Variants in CPNE4 observed in about 807,000 individuals in gnomAD.
The protein encoded by CPNE4 is copine 4.
In CPNE4, 25 loss-of-function variants were observed where a neutral mutation model predicts 67.9. The ratio of observed to expected loss-of-function variants is 0.37; its 90% CI spans 0.27 to 0.51. The LOEUF (loss-of-function observed/expected upper bound fraction) is 0.51. Ranked by LOEUF, CPNE4 falls within the 20% of genes least tolerant of loss-of-function variation. CPNE4 has a pLI of 0.93. For missense variants in CPNE4, 464 were observed against 690.8 expected, an observed-to-expected ratio of 0.67 and a Z score of 3.68; for synonymous variants, 242 against 244.9, an observed-to-expected ratio of 0.99 and a Z score of 0.11.
intron 2 of CPNE4, among the ~76,000 whole-genome samples, chr3:131,792,623 A>ATATG (rs1553772146): frequency 0.014 from 1,035 of 75,822 alleles, 132 homozygotes; most frequent in African/African-American, 0.038. Flanking sequence ...ATATATGTAT[A>ATATG]TATATATACA....
intron 1 of CPNE4, among the ~76,000 whole-genome samples, chr3:132,025,323 C>T (rs952438068): frequency 6.6e-6 from 1 of 152,126 alleles, no homozygotes; most frequent in African/African-American, 2.4e-5. Flanking sequence ...GGTTGTGTTC[C>T]TGGGGCCAGT....
chr3:131,555,688 G>T (rs1196316526), intron 11 of CPNE4, 137 bp from the exon 12 acceptor site: 3 of 702,372 alleles, frequency 4.3e-6, no homozygotes, highest in African/African-American at 3.6e-5. Context: ...CTTCTTGATT[G>T]TCTGTGGTGA....
intron 7 of CPNE4, among the ~76,000 whole-genome samples, chr3:131,656,557 A>G (rs2079974406): frequency 6.6e-6 from 1 of 152,192 alleles, no homozygotes; most frequent in African/African-American, 2.4e-5. Context: ...CTATCAATCC[A>G]TCTATCCATC....
intron 2 of CPNE4, among the ~76,000 whole-genome samples, chr3:131,857,550 C>G (rs1023607352): frequency 6.6e-6 from 1 of 152,070 alleles, no homozygotes; most frequent in East Asian, 1.9e-4. Context: ...TCTCCCTGAG[C>G]CTTATTTTCA....
intron 2 of CPNE4, among the ~76,000 whole-genome samples, chr3:131,876,748 T>C (rs2087476441): frequency 6.6e-6 from 1 of 152,154 alleles, no homozygotes. Context: ...GGTTAATCTA[T>C]GTAGTAACTG....
chr3:131,734,313 A>G (rs554260064), intron 2 of CPNE4, among the ~76,000 whole-genome samples: 1 of 152,282 alleles, frequency 6.6e-6, no homozygotes, highest in African/African-American at 2.4e-5. Flanking sequence ...TATGTTCTTG[A>G]TAGCGGTAAC....
At chr3:131,779,810 CA>C (rs1162179778) in intron 2 of CPNE4, among the ~76,000 whole-genome samples, 2 of 152,032 alleles carry the variant, frequency 1.3e-5, no homozygotes, top group Non-Finnish European at 2.9e-5. Context: ...AAAGCAATCA[CA>C]AAAAAACCCC....
chr3:131,730,408 G>A (rs966317715), intron 2 of CPNE4, among the ~76,000 whole-genome samples: 1 of 152,128 alleles, frequency 6.6e-6, no homozygotes, highest in Non-Finnish European at 1.5e-5. Flanking sequence ...TAGTGGCAAA[G>A]GTAAGACTCA....
At chr3:131,791,649 A>G (rs1245611518) in intron 2 of CPNE4, among the ~76,000 whole-genome samples, 1 of 152,208 alleles carries the variant, frequency 6.6e-6, no homozygotes, top group Non-Finnish European at 1.5e-5. Context: ...GAAACAGTAC[A>G]GATGGAACTG....
chr3:131,797,582 G>C (rs376504458), intron 2 of CPNE4, among the ~76,000 whole-genome samples: 3 of 152,260 alleles, frequency 2.0e-5, no homozygotes, highest in Admixed American at 2.0e-4. Flanking sequence ...CAGGAACTAG[G>C]ACCACGGAAA....
At chr3:131,808,491 T>C (rs1393388270) in intron 2 of CPNE4, among the ~76,000 whole-genome samples, 2 of 151,316 alleles carry the variant, frequency 1.3e-5, no homozygotes, top group African/African-American at 4.8e-5. Flanking sequence ...AATCAATCAA[T>C]AGAAACTACT....
chr3:131,853,096 G>A (rs926540887), intron 2 of CPNE4, among the ~76,000 whole-genome samples: 6 of 151,660 alleles, frequency 4.0e-5, no homozygotes, highest in Non-Finnish European at 7.4e-5. Context: ...TCTATAAAAA[G>A]TCATGTGATC....
chr3:131,989,633 A>G lies in CPNE4; in HGVS notation c.-2+44934T>C, dbSNP rs2073131460. Among the ~76,000 whole-genome samples the G allele has an allele frequency of 1.5e-5, 2 of 135,744 alleles. 1 individual carries two copies. Among genetic ancestry groups the G allele is most frequent in the Admixed American group, 1.7e-4 (2 of 12,046 alleles). The allele number at this position is 135,744 out of a possible 152,430, so 89.1% of individuals were successfully genotyped here. A position where few individuals can be genotyped will look rare whatever the true frequency, so the allele number is the denominator to read the frequency against. On this transcript the variant is annotated intron_variant, in intron 1 of 15. Transcript: ENST00000429747. ...AAAGAGAGAGAAGCAACTTTTGTGA[A>G]AGCCAAAAGAATGACATATTTTCTC...
At chr3:131,980,103 T>C (rs1178422286) in intron 1 of CPNE4, among the ~76,000 whole-genome samples, 1 of 152,130 alleles carries the variant, frequency 6.6e-6, no homozygotes, top group Non-Finnish European at 1.5e-5. Context: ...TGTTACCTGG[T>C]CCTTCTCTCT....
chr3:131,806,549 C>CAAAAAAA (rs58302207), intron 2 of CPNE4, among the ~76,000 whole-genome samples: 5 of 72,840 alleles, frequency 6.9e-5, no homozygotes, highest in African/African-American at 9.3e-5. Context: ...GACTCCGTCT[C>CAAAAAAA]AAAAAAAAAA....
At chr3:132,033,625 G>T (rs747433268) in intron 1 of CPNE4, among the ~76,000 whole-genome samples, 3 of 152,204 alleles carry the variant, frequency 2.0e-5, no homozygotes, top group Non-Finnish European at 4.4e-5. Flanking sequence ...AGGTTCTGGG[G>T]CTGAAAGGCA....
intron 2 of CPNE4, among the ~76,000 whole-genome samples, chr3:131,869,370 C>T (rs117089698): frequency 1.3e-5 from 2 of 152,130 alleles, no homozygotes; most frequent in East Asian, 3.9e-4. Context: ...TTTATTAGGA[C>T]TATTAATTTT....
intron 2 of CPNE4, among the ~76,000 whole-genome samples, chr3:131,816,321 GTT>G (rs915745404): frequency 4.6e-5 from 7 of 152,104 alleles, no homozygotes; most frequent in African/African-American, 1.7e-4. Flanking sequence ...ATGGAATTTA[GTT>G]TTATATCTTC....
At chr3:131,768,452 T>A (rs897875372) in intron 2 of CPNE4, among the ~76,000 whole-genome samples, 1 of 152,142 alleles carries the variant, frequency 6.6e-6, no homozygotes, top group Non-Finnish European at 1.5e-5. Flanking sequence ...TTCATGTTGA[T>A]CTTTTCTTTC....
Sources: gnomAD v4.1 joint callset for allele counts (sites outside exome capture counted in the v4.1 genomes callset) on GRCh38, gnomAD v4.1.1 for gene constraint, MANE v1.5 for transcripts, NCBI Gene and HGNC (gene_info 2026-07-23, HGNC 2026-07-21) for gene names.